Variants in WDR49 observed in about 807,000 individuals in gnomAD.
WDR49 encodes WD repeat domain 49.
Under a neutral mutation model 119.5 loss-of-function variants are expected in WDR49, and 107 were observed. The observed-to-expected ratio is 0.90, with a 90% confidence interval of 0.77 to 1.05. The LOEUF is 1.05. WDR49 is among the 50% of genes least tolerant of loss of function. The pLI is 0.00. For missense variants in WDR49, 1,240 were observed against 1,220.5 expected (o/e 1.02, Z -0.24); for synonymous variants, 425 against 418.8 (o/e 1.01, Z -0.18).
chr3:167,490,546 A>G (rs1015412227), intron 18 of WDR49, among the ~76,000 whole-genome samples: 2 of 152,156 alleles, frequency 1.3e-5, no homozygotes, highest in African/African-American at 4.8e-5. Context: ...GAACTTTTAT[A>G]TGATATCAAA....
chr3:167,611,415 AAG>A lies in WDR49; in HGVS notation c.959-6949_959-6948del, dbSNP rs1183046209. Among the ~76,000 whole-genome samples, 4 of 152,342 alleles carry A rather than the reference AAG, an allele frequency of 2.6e-5. No homozygotes were observed. The East Asian group carries it at 5.8e-4, about 22-fold the overall frequency. On this transcript the variant is annotated intron_variant, in intron 5 of 18. Transcript: ENST00000682715. ...TTTCATTAGAGGAACATAAGGAGGA[AAG>A]AGAGAAGGAAGAGAAAACCAAATAA...
chr3:167,631,752 A>G (rs1407078555), intron 2 of WDR49, among the ~76,000 whole-genome samples: 1 of 152,068 alleles, frequency 6.6e-6, no homozygotes, highest in African/African-American at 2.4e-5. Context: ...CGTGAGAACT[A>G]CTGGCAAGGT....
chr3:167,633,657 G>C (rs1423208451), intron 2 of WDR49: 1 of 355,482 alleles, frequency 2.8e-6, no homozygotes, highest in Non-Finnish European at 5.5e-6. Context: ...ATTCAATACT[G>C]AATGGCGAAA....
chr3:167,558,454 T>C (rs186577872), intron 9 of WDR49, among the ~76,000 whole-genome samples: 1 of 152,344 alleles, frequency 6.6e-6, no homozygotes, highest in African/African-American at 2.4e-5. Flanking sequence ...CCCTGATTTA[T>C]GTATCCTACA....
At chr3:167,533,534 T>A (rs1024253644) in intron 11 of WDR49, among the ~76,000 whole-genome samples, 4 of 152,034 alleles carry the variant, frequency 2.6e-5, no homozygotes, top group Non-Finnish European at 4.4e-5. Flanking sequence ...TCCCTTCTTG[T>A]GTGTGTATGT....
chr3:167,619,968 C>CA (rs551189229), intron 5 of WDR49, among the ~76,000 whole-genome samples: 3,022 of 140,398 alleles, frequency 0.022, 125 homozygotes, highest in East Asian at 0.18. Flanking sequence ...GTCATTACAT[C>CA]AAAAAAAAAA....
At chr3:167,576,581 G>C (rs1257474569) in intron 7 of WDR49, among the ~76,000 whole-genome samples, 1 of 152,138 alleles carries the variant, frequency 6.6e-6, no homozygotes, top group Non-Finnish European at 1.5e-5. Flanking sequence ...AATCATAAGG[G>C]TCTTTAAATG....
At chr3:167,615,871 G>A (rs1716573139) in intron 5 of WDR49, among the ~76,000 whole-genome samples, 1 of 152,128 alleles carries the variant, frequency 6.6e-6, no homozygotes, top group Admixed American at 6.5e-5. Flanking sequence ...ATTATCCATT[G>A]TTCCCTACAA....
At chr3:167,600,590 TA>T (rs779143359) in intron 7 of WDR49, among the ~76,000 whole-genome samples, 2 of 152,220 alleles carry the variant, frequency 1.3e-5, no homozygotes, top group Non-Finnish European at 2.9e-5. Context: ...GCTCCATCCC[TA>T]TTTTACATTT....
At position 167,527,818 on chromosome 3, in the gene WDR49, A is replaced by G; in HGVS notation, c.2604+2T>C. On this transcript the variant is annotated splice_donor_variant, in intron 15 of 18. Coordinates refer to ENST00000682715, the MANE Select transcript of WDR49 (RefSeq NM_001366157.1). LOFTEE classifies it high-confidence loss of function. Reference sequence around the variant, plus strand: ...AGAATAATAAAGAAGCAATATTTCTACCTGACCAAAGATCCAAACAGGAGC... The same window carrying G: ...AGAATAATAAAGAAGCAATATTTCTGCCTGACCAAAGATCCAAACAGGAGC... 6.2e-7 allele frequency: 1 copy of G among 1,611,756 alleles called. No individual in the cohort carries two copies. Among genetic ancestry groups the G allele is most frequent in the Non-Finnish European group, 8.5e-7 (1 of 1,178,944 alleles).
At chr3:167,505,847 A>G (rs1751750036) in intron 16 of WDR49, among the ~76,000 whole-genome samples, 2 of 152,240 alleles carry the variant, frequency 1.3e-5, no homozygotes, top group South Asian at 4.1e-4. Context: ...AATGCAAAGA[A>G]GTTCAGTATT....
chr3:167,630,041 A>G (rs1426836980), intron 2 of WDR49, among the ~76,000 whole-genome samples: 4 of 152,178 alleles, frequency 2.6e-5, no homozygotes, highest in Non-Finnish European at 5.9e-5. Context: ...GCAAGTTTTG[A>G]GAGTATTGAC....
rs1039994333 is a variant in WDR49, at chr3:167,621,650, T to C, written c.607-7A>G. On this transcript the variant is annotated splice_region_variant and splice_polypyrimidine_tract_variant and intron_variant, in intron 3 of 18. Transcript: ENST00000682715. ...TTGTAAAAGCCACTGCTATCTAAAG[T>C]AGCAGAGTAGAAAATCAGAAAGTAA... 6.6e-7 allele frequency: 1 copy of C among 1,519,422 alleles called. No homozygotes were observed. The highest frequency in any genetic ancestry group is 8.8e-7 in the Non-Finnish European group (1 of 1,139,480). 94.1% of individuals were successfully genotyped at this position (1,519,422 alleles called of 1,614,324 possible). A position where few individuals can be genotyped will look rare whatever the true frequency, so the allele number is the denominator to read the frequency against.
intron 2 of WDR49, among the ~76,000 whole-genome samples, chr3:167,641,792 A>C (rs541524869): frequency 1.8e-4 from 27 of 152,010 alleles, no homozygotes; most frequent in Non-Finnish European, 3.4e-4. Context: ...ACCAAACTAC[A>C]TTTAACAAAA....
chr3:167,571,991 A>C (rs960023705), intron 8 of WDR49, among the ~76,000 whole-genome samples: 5 of 152,222 alleles, frequency 3.3e-5, no homozygotes, highest in Non-Finnish European at 7.3e-5. Context: ...TGATAACACA[A>C]GTATATTATC....
chr3:167,554,666 A>G lies in WDR49; in HGVS notation c.1807T>C (p.Trp603Arg), dbSNP rs767839559. The G allele has an allele frequency of 2.6e-6, 4 of 1,522,332 alleles. No homozygotes were observed. The highest frequency in any genetic ancestry group is 1.4e-5 in the African/African-American group (1 of 71,936). 94.3% of individuals were successfully genotyped at this position (1,522,332 alleles called of 1,614,324 possible). Residue 603 changes from tryptophan (W) to arginine (R), a missense_variant, in exon 10 of 19, where the codon TGG becomes CGG. Transcript: ENST00000682715. ...CCTTTTTACCTTCCTATAGTTTTCC[A>G]TGAGGCATAATCATACCTCTCCCAG... Reference protein sequence around the residue: ...TGWERYDYASWKTIGRAITVF... With the variant: ...TGWERYDYASRKTIGRAITVF...
At chr3:167,616,629 A>AAG (rs900488254) in intron 5 of WDR49, among the ~76,000 whole-genome samples, 81 of 150,612 alleles carry the variant, frequency 5.4e-4, no homozygotes, top group African/African-American at 8.9e-4. Context: ...TATTAAAAAA[A>AAG]AGAGAGAGAG....
At chr3:167,499,434 A>G (rs1031620856) in intron 18 of WDR49, among the ~76,000 whole-genome samples, 13 of 152,164 alleles carry the variant, frequency 8.5e-5, no homozygotes, top group Non-Finnish European at 2.9e-5. Context: ...TAAACTTTTT[A>G]TTAATTATTT....
At chr3:167,633,424 T>G in intron 2 of WDR49, 1 of 456,046 alleles carries the variant, frequency 2.2e-6, no homozygotes, top group East Asian at 7.0e-5. Flanking sequence ...CCCAGAACCA[T>G]GGCTCTTTCA....
Sources: allele counts gnomAD v4.1 joint callset (sites outside exome capture counted in the v4.1 genomes callset), GRCh38; gene constraint gnomAD v4.1.1; transcripts MANE v1.5; gene names NCBI Gene and HGNC (gene_info 2026-07-23, HGNC 2026-07-21).